The following UGT1A8 variants were observed in gnomAD, a reference collection of about 807,000 sequenced individuals.
UGT1A8 encodes the protein UDP glucuronosyltransferase family 1 member A8, also known as UDP-glucuronosyltransferase 1A8.
Under a neutral mutation model 45.3 loss-of-function variants are expected in UGT1A8, and 39 were observed. The observed-to-expected ratio is 0.86, with a 90% confidence interval of 0.67 to 1.12. UGT1A8 has a LOEUF of 1.12. UGT1A8 is among the 50% of genes most tolerant of loss of function. The pLI is 0.00. For missense variants in UGT1A8, 719 were observed against 664.9 expected, an observed-to-expected ratio of 1.08 and a Z score of -0.90; for synonymous variants, 275 against 249.2, an observed-to-expected ratio of 1.10 and a Z score of -0.97.
chr2:233,654,542 T>C (rs2073812705), intron 1 of UGT1A8, among the ~76,000 whole-genome samples: 1 of 152,260 alleles, frequency 6.6e-6, no homozygotes, highest in Admixed American at 6.5e-5. Flanking sequence ...GTTGATTATA[T>C]ATTCATAATT....
intron 1 of UGT1A8, among the ~76,000 whole-genome samples, chr2:233,628,401 A>G (rs540238273): frequency 1.3e-5 from 2 of 152,230 alleles, no homozygotes; most frequent in South Asian, 4.1e-4. Context: ...GTGGATCCAC[A>G]CAGCTCAAAA....
chr2:233,680,763 A>C (rs931000603), intron 1 of UGT1A8, among the ~76,000 whole-genome samples: 8 of 152,166 alleles, frequency 5.3e-5, no homozygotes, highest in African/African-American at 1.9e-4. Flanking sequence ...AGATTCCTGA[A>C]GATGAGCACC....
chr2:233,747,283 C>A (rs1693610010), intron 1 of UGT1A8: 1 of 1,600,180 alleles, frequency 6.2e-7, no homozygotes, highest in Admixed American at 1.7e-5. Flanking sequence ...CAGTGCCCAG[C>A]CCTGGGCTGA....
intron 1 of UGT1A8, among the ~76,000 whole-genome samples, chr2:233,761,384 C>T (rs564518186): frequency 1.3e-5 from 2 of 152,326 alleles, no homozygotes; most frequent in South Asian, 4.1e-4. Flanking sequence ...ACTCTGTGTG[C>T]TCCAGTGGAT....
chr2:233,657,024 C>T (rs2073870463), intron 1 of UGT1A8, among the ~76,000 whole-genome samples: 1 of 152,002 alleles, frequency 6.6e-6, no homozygotes, highest in Non-Finnish European at 1.5e-5. Context: ...TTTATGAAAT[C>T]CCTGGTGTCA....
chr2:233,638,703 T>C (rs2073370288), intron 1 of UGT1A8, among the ~76,000 whole-genome samples: 1 of 152,212 alleles, frequency 6.6e-6, no homozygotes, highest in African/African-American at 2.4e-5. Flanking sequence ...TATGTATTGT[T>C]CTGGTTTCTT....
At chr2:233,709,749 A>T (rs2076089896) in intron 1 of UGT1A8, among the ~76,000 whole-genome samples, 1 of 152,214 alleles carries the variant, frequency 6.6e-6, no homozygotes, top group African/African-American at 2.4e-5. Flanking sequence ...TAAAATAAAC[A>T]TTATTGGAGT....
rs559155778 is a variant in UGT1A8 at position 233,769,190 on chromosome 2, G to A, written c.1295+751G>A. Among the ~76,000 whole-genome samples, 1 of 152,304 alleles carries A rather than the reference G, an allele frequency of 6.6e-6. No homozygotes were observed. The highest frequency in any genetic ancestry group is 2.4e-5 in the African/African-American group (1 of 41,564). ...GTCCATGGAGTTTATGAATGAAGGA[G>A]CTATAAGATATCACAGACAAAGTCT... On this transcript the variant is annotated intron_variant, in intron 4 of 4. Transcript: ENST00000373450. The surrounding 1 kb of genome is among the most constrained non-coding windows in gnomAD (Gnocchi z 4.4).
chr2:233,718,674 T>C, intron 1 of UGT1A8: 1 of 1,557,312 alleles, frequency 6.4e-7, no homozygotes, highest in South Asian at 1.2e-5. Context: ...GATTAATGGG[T>C]AATAAGTAAC....
chr2:233,710,795 T>C (rs914559681), intron 1 of UGT1A8, among the ~76,000 whole-genome samples: 1 of 152,238 alleles, frequency 6.6e-6, no homozygotes. Flanking sequence ...TTGTGTTTTG[T>C]ACCCCTCGTG....
chr2:233,682,548 A>G, intron 1 of UGT1A8: 1 of 1,613,924 alleles, frequency 6.2e-7, no homozygotes. Context: ...ATGACTTTCA[A>G]GGAGAGAGTA....
chr2:233,751,147 C>A (rs1013062479), intron 1 of UGT1A8, among the ~76,000 whole-genome samples: 1 of 151,976 alleles, frequency 6.6e-6, no homozygotes, highest in African/African-American at 2.4e-5. Context: ...TGGGAGCCCA[C>A]TTCTGGCATC....
intron 1 of UGT1A8, chr2:233,753,062 C>G (rs746941166): frequency 3.9e-5 from 6 of 152,186 alleles, no homozygotes; most frequent in African/African-American, 4.8e-5. Flanking sequence ...TGCCTTCCTC[C>G]CACCTCAAAA....
intron 1 of UGT1A8, chr2:233,692,971 C>CT: frequency 6.2e-7 from 1 of 1,611,844 alleles, no homozygotes; most frequent in Non-Finnish European, 8.5e-7. Flanking sequence ...AGTGAAAACT[C>CT]TTTATTACCG....
chr2:233,621,992 G>C (rs1272102667), intron 1 of UGT1A8, among the ~76,000 whole-genome samples: 1 of 151,962 alleles, frequency 6.6e-6, no homozygotes, highest in African/African-American at 2.4e-5. Flanking sequence ...TTGATTTTCT[G>C]TCCTTGTGAT....
intron 1 of UGT1A8, among the ~76,000 whole-genome samples, chr2:233,681,132 G>A (rs776169947): frequency 5.3e-5 from 8 of 151,772 alleles, no homozygotes; most frequent in Non-Finnish European, 1.2e-4. Flanking sequence ...AGACACAGGT[G>A]AGCCGCAATT....
At chr2:233,724,876 G>A (rs1425686666) in intron 1 of UGT1A8, among the ~76,000 whole-genome samples, 5 of 132,730 alleles carry the variant, frequency 3.8e-5, no homozygotes, top group South Asian at 5.6e-4. Context: ...GTAGTGAGCG[G>A]AGATCACGCC....
chr2:233,668,627 C>T (rs1041156940), intron 1 of UGT1A8, among the ~76,000 whole-genome samples: 1 of 152,210 alleles, frequency 6.6e-6, no homozygotes, highest in African/African-American at 2.4e-5. Context: ...TGAGGAATTG[C>T]CACACTGTCT....
rs140687237 is a variant in UGT1A8 at position 233,731,471 on chromosome 2, T to A, written c.856-35563T>A. ...CCACAACAGGCCCTGGCGTGTGATG[T>A]TCCCTGGCCTGTGTCCAGTGTTCTT... On this transcript the variant is annotated intron_variant, in intron 1 of 4. Transcript: ENST00000373450. Among the ~76,000 whole-genome samples, 413 of 152,262 alleles carry A rather than the reference T, an allele frequency of 2.7e-3. 1 individual carries two copies. Among genetic ancestry groups the A allele is most frequent in the South Asian group, 0.017 (82 of 4,820 alleles).
Sources: gnomAD v4.1 joint callset for allele counts (sites outside exome capture counted in the v4.1 genomes callset) on GRCh38, gnomAD v4.1.1 for gene constraint, Gnocchi (gnomAD v3.1) non-coding constraint, MANE v1.5 for transcripts, NCBI Gene and HGNC (gene_info 2026-07-23, HGNC 2026-07-21) for gene names.